The following WDR25 variants were observed in gnomAD, a reference collection of about 807,000 sequenced individuals.
The protein encoded by WDR25 is WD repeat domain 25.
Under a neutral mutation model 47.7 loss-of-function variants are expected in WDR25, and 35 were observed. The ratio of observed to expected loss-of-function variants is 0.73; its 90% confidence interval spans 0.56 to 0.97. The LOEUF is 0.97. WDR25 is among the 50% of genes least tolerant of loss of function. The probability of loss-of-function intolerance (pLI) is 0.00; values close to 1 mark genes in which losing one functional copy is unlikely to be tolerated. For synonymous variants in WDR25, 248 were observed against 278.9 expected, an observed-to-expected ratio of 0.89 and a Z score of 1.10; for missense variants, 634 against 704.7, an observed-to-expected ratio of 0.90 and a Z score of 1.14.
At chr14:100,487,793 G>T (rs1900434770) in intron 4 of WDR25, 1 of 152,098 alleles carries the variant, frequency 6.6e-6, no homozygotes, top group South Asian at 2.1e-4. Flanking sequence ...ACATCTTTTT[G>T]CATATAGCTT....
chr14:100,471,249 G>T (rs543947537), intron 3 of WDR25, among the ~76,000 whole-genome samples: 1 of 152,174 alleles, frequency 6.6e-6, no homozygotes, highest in African/African-American at 2.4e-5. Flanking sequence ...TCTGGCCAGG[G>T]CTGGCTTGGA....
chr14:100,447,273 C>A (rs1006438289), intron 2 of WDR25, among the ~76,000 whole-genome samples: 1 of 152,164 alleles, frequency 6.6e-6, no homozygotes, highest in Non-Finnish European at 1.5e-5. Context: ...AGTGATTAGA[C>A]TTGGGGATTG....
chr14:100,434,053 C>T (rs1345138204), intron 2 of WDR25, among the ~76,000 whole-genome samples: 1 of 150,284 alleles, frequency 6.7e-6, no homozygotes, highest in Non-Finnish European at 1.5e-5. Flanking sequence ...TAGTGAAAAG[C>T]CGTTTCTACA....
At chr14:100,450,907 A>G (rs564356526) in intron 2 of WDR25, among the ~76,000 whole-genome samples, 1 of 152,310 alleles carries the variant, frequency 6.6e-6, no homozygotes, top group Non-Finnish European at 1.5e-5. Flanking sequence ...CAGTCCCTAC[A>G]GGTGGGGCAG....
In WDR25 at chr14:100,470,346, C is replaced by T. The variant is rs140186976; in HGVS notation, c.970+2178C>T. 7.2e-4 allele frequency among the ~76,000 whole-genome samples: 109 copies of T among 152,292 alleles called. 1 individual carries two copies. The highest frequency in any genetic ancestry group is 2.5e-3 in the African/African-American group (102 of 41,562). On this transcript the variant is annotated intron_variant, in intron 3 of 6. Transcript: ENST00000402312. ...GTCAGGTGAGCACATGTGGGTAGCA[C>T]ACCGCTCACAGAGTGACAAGCTCAC...
chr14:100,463,987 C>T (rs531588967), intron 2 of WDR25, among the ~76,000 whole-genome samples: 20 of 152,158 alleles, frequency 1.3e-4, no homozygotes, highest in Non-Finnish European at 1.8e-4. Context: ...CTCTCTTGCC[C>T]TTCATTCTCC....
intron 2 of WDR25, among the ~76,000 whole-genome samples, chr14:100,385,814 C>T (rs1162158434): frequency 6.6e-6 from 1 of 152,000 alleles, no homozygotes; most frequent in African/African-American, 2.4e-5. Context: ...TTTGAACACC[C>T]ACTGCACGTA....
At chr14:100,462,797 G>A (rs916484178) in intron 2 of WDR25, among the ~76,000 whole-genome samples, 7 of 148,938 alleles carry the variant, frequency 4.7e-5, no homozygotes, top group African/African-American at 1.2e-4. Context: ...TCCTCCCTCC[G>A]TCCTCTCCTC....
At chr14:100,474,132 A>G (rs989698419) in intron 3 of WDR25, among the ~76,000 whole-genome samples, 1 of 152,050 alleles carries the variant, frequency 6.6e-6, no homozygotes, top group Admixed American at 6.5e-5. Context: ...TTTCTTGCCC[A>G]CTTGTGAGTG....
intron 2 of WDR25, among the ~76,000 whole-genome samples, chr14:100,389,355 T>C (rs1241815783): frequency 6.6e-6 from 1 of 152,194 alleles, no homozygotes; most frequent in Non-Finnish European, 1.5e-5. Flanking sequence ...TGGTCATTTC[T>C]CCCCCAGATT....
chr14:100,466,785 G>C (rs1446802324), intron 2 of WDR25, among the ~76,000 whole-genome samples: 4 of 152,240 alleles, frequency 2.6e-5, no homozygotes, highest in Non-Finnish European at 4.4e-5. Flanking sequence ...TGGGTGGTAG[G>C]TGAGAGCACT....
chr14:100,415,435 C>T (rs1465250866), intron 2 of WDR25, among the ~76,000 whole-genome samples: 1 of 152,200 alleles, frequency 6.6e-6, no homozygotes, highest in African/African-American at 2.4e-5. Context: ...TATTTCTGCA[C>T]AGTCTTCTGA....
rs1899712569 is a variant in WDR25 at position 100,468,283 on chromosome 14, G to T, written c.970+115G>T. 1.4e-6 allele frequency: 2 copies of T among 1,452,992 alleles called. No homozygotes were observed. Among genetic ancestry groups the T allele is most frequent in the Non-Finnish European group, 1.8e-6 (2 of 1,088,372 alleles). 90.0% of individuals were successfully genotyped at this position (1,452,992 alleles called of 1,614,324 possible). ...ACGCTTGCGTGGCAGAGGGAGAGGG[G>T]CCTCAGGGTGGGCTCGTGCTCGGTG... is the stretch of plus-strand genomic sequence containing the variant. On this transcript the variant is annotated intron_variant, in intron 3 of 6. Transcript: ENST00000402312. This position sits in a 1 kb window ranked among gnomAD's most constrained non-coding sequence, Gnocchi z 4.5.
chr14:100,435,314 GA>G (rs1898467887), intron 2 of WDR25, among the ~76,000 whole-genome samples: 1 of 152,190 alleles, frequency 6.6e-6, no homozygotes, highest in African/African-American at 2.4e-5. Flanking sequence ...GGGTGCTAAG[GA>G]AAAAGGCCCC....
At chr14:100,429,779 G>A (rs1231563308) in intron 2 of WDR25, among the ~76,000 whole-genome samples, 1 of 152,090 alleles carries the variant, frequency 6.6e-6, no homozygotes, top group Non-Finnish European at 1.5e-5. Context: ...TGCACACATG[G>A]CCTTTCCTTG....
intron 4 of WDR25, among the ~76,000 whole-genome samples, chr14:100,511,173 C>T (rs1211245596): frequency 1.3e-5 from 2 of 152,136 alleles, no homozygotes; most frequent in African/African-American, 2.4e-5. Context: ...GCATAGTATA[C>T]TTCTCTATTT....
At chr14:100,504,893 G>A (rs1901061165) in intron 4 of WDR25, among the ~76,000 whole-genome samples, 1 of 152,160 alleles carries the variant, frequency 6.6e-6, no homozygotes. Context: ...ACTTGGTGTT[G>A]TCAGTCTTTT....
intron 4 of WDR25, among the ~76,000 whole-genome samples, chr14:100,493,692 A>G (rs550071292): frequency 3.9e-5 from 6 of 152,160 alleles, no homozygotes; most frequent in South Asian, 2.1e-4. Flanking sequence ...TGTACATTCT[A>G]TGGGTTTGGA....
At position 100,449,164 on chromosome 14, in the gene WDR25, G is replaced by A. The variant is rs1375870323; in HGVS notation, c.823-18857G>A. On this transcript the variant is annotated intron_variant, in intron 2 of 6. Transcript: ENST00000402312. This position sits in a 1 kb window ranked among gnomAD's most constrained non-coding sequence, Gnocchi z 4.2. ...GCCTTATGGCTAGAAGGCTCGGAGA[G>A]CATCCTTTACTGGGCTTCTGGATGG... 6.6e-6 allele frequency among the ~76,000 whole-genome samples: 1 copy of A among 152,224 alleles called. No homozygotes were observed. Among genetic ancestry groups the A allele is most frequent in the Non-Finnish European group, 1.5e-5 (1 of 68,046 alleles).
Sources: gnomAD v4.1 joint callset for allele counts (sites outside exome capture counted in the v4.1 genomes callset) on GRCh38, gnomAD v4.1.1 for gene constraint, Gnocchi (gnomAD v3.1) non-coding constraint, MANE v1.5 for transcripts, NCBI Gene and HGNC (gene_info 2026-07-23, HGNC 2026-07-21) for gene names.